The following SOCS7 variants were observed in gnomAD, a reference collection of about 807,000 sequenced individuals.
SOCS7 encodes NAP-4.
A neutral mutation model predicts 58.9 loss-of-function variants in SOCS7; 18 were observed. The ratio of observed to expected loss-of-function variants is 0.31; its 90% CI spans 0.21 to 0.45. The LOEUF (loss-of-function observed/expected upper bound fraction) is 0.45, where lower values mean the gene tolerates loss of function less well. Among genes scored for constraint, SOCS7 ranks in the 20% least tolerant of loss-of-function variants. The pLI is 1.00. For synonymous variants in SOCS7, 388 were observed against 364.3 expected, an observed-to-expected ratio of 1.06 and a Z score of -0.74; for missense variants, 667 against 837.3, an observed-to-expected ratio of 0.80 and a Z score of 2.51.
intron 9 of SOCS7, among the ~76,000 whole-genome samples, chr17:38,397,578 C>G (rs1279036734): frequency 1.3e-5 from 2 of 152,218 alleles, no homozygotes; most frequent in Non-Finnish European, 2.9e-5. Context: ...AGATTTCAGT[C>G]CAACTTTACA....
At chr17:38,374,514 A>G (rs1313060049) in intron 6 of SOCS7, among the ~76,000 whole-genome samples, 2 of 152,240 alleles carry the variant, frequency 1.3e-5, no homozygotes, top group Non-Finnish European at 2.9e-5. Context: ...CTCAAAAGAA[A>G]AAGTTGTGAA....
At chr17:38,376,777 A>T (rs986988904) in intron 6 of SOCS7, among the ~76,000 whole-genome samples, 1 of 152,172 alleles carries the variant, frequency 6.6e-6, no homozygotes, top group Admixed American at 6.6e-5. Flanking sequence ...ACAAAATGTT[A>T]TTCAAAGACC....
At chr17:38,396,110 A>ATGTT in intron 9 of SOCS7, 112 bp downstream of exon 9, 1 of 858,962 alleles carries the variant, frequency 1.2e-6, no homozygotes, top group Non-Finnish European at 1.7e-6. Context: ...GCCCCGATCC[A>ATGTT]GGCATTTGCC....
At chr17:38,386,006 C>G (rs943973624) in intron 7 of SOCS7, among the ~76,000 whole-genome samples, 3 of 151,878 alleles carry the variant, frequency 2.0e-5, no homozygotes, top group Non-Finnish European at 4.4e-5. Flanking sequence ...TGGTAAGACC[C>G]TGTCTCTACC....
rs770960071 is a variant in SOCS7 at position 38,361,763 on chromosome 17, C to G, written c.1033C>G (p.Pro345Ala). The stretch of plus-strand genomic sequence containing the variant: ...TGCCTTTTCTCCGGTCTCCTTCAGC[C>G]CCCTGTTCACAGGTAAGGGTAATAT... The part of the protein sequence containing the change: ...QSAFSPVSFS[P>A]LFTGETVSLV... The change falls in exon 2 of 10, where the codon CCC becomes GCC. Residue 345 changes from proline to alanine, a missense_variant. Pro to Ala is a conservative substitution (Grantham distance 27, BLOSUM62 -1). This residue lies in a region of SOCS7 where 16 missense variants were observed against 32.7 expected (regional missense o/e 0.49). Coordinates refer to ENST00000612932, the MANE Select transcript of SOCS7 (RefSeq NM_014598.4). The G allele has an allele frequency of 5.0e-6, 8 of 1,612,074 alleles. No homozygotes were observed. Among genetic ancestry groups the G allele is most frequent in the Admixed American group, 1.7e-5 (1 of 59,874 alleles).
intron 7 of SOCS7, among the ~76,000 whole-genome samples, chr17:38,380,492 T>A (rs1446329724): frequency 6.6e-6 from 1 of 151,762 alleles, no homozygotes; most frequent in African/African-American, 2.4e-5. Flanking sequence ...TAGCCAGGTG[T>A]GGTGGTGCAC....
At chr17:38,371,233 C>T (rs1362496451) in intron 6 of SOCS7, among the ~76,000 whole-genome samples, 1 of 152,060 alleles carries the variant, frequency 6.6e-6, no homozygotes, top group Non-Finnish European at 1.5e-5. Context: ...CCTGCCTCAG[C>T]CTCCTGAGTA....
intron 2 of SOCS7, among the ~76,000 whole-genome samples, chr17:38,362,886 A>G (rs1555567774): frequency 1.3e-5 from 2 of 152,208 alleles, no homozygotes. Context: ...TGAAGTGAGC[A>G]GATCATCTGA....
chr17:38,381,384 T>G (rs1201537214), intron 7 of SOCS7, among the ~76,000 whole-genome samples: 2 of 152,050 alleles, frequency 1.3e-5, no homozygotes, highest in Non-Finnish European at 2.9e-5. Context: ...TATTAGCATT[T>G]AGGTTGAGCT....
chr17:38,360,062 G>C (rs1406641096), intron 1 of SOCS7, among the ~76,000 whole-genome samples: 2 of 152,074 alleles, frequency 1.3e-5, no homozygotes, highest in East Asian at 3.8e-4. Context: ...ACAGGTGTGA[G>C]CCATCGCACC....
chr17:38,359,441 A>G (rs2037685617), intron 1 of SOCS7, among the ~76,000 whole-genome samples: 1 of 152,222 alleles, frequency 6.6e-6, no homozygotes, highest in Admixed American at 6.5e-5. Flanking sequence ...CTCTTTCTGA[A>G]TAAGATCTTC....
At chr17:38,396,705 A>C (rs755139163) in intron 9 of SOCS7, among the ~76,000 whole-genome samples, 2 of 152,220 alleles carry the variant, frequency 1.3e-5, no homozygotes, top group Non-Finnish European at 2.9e-5. Flanking sequence ...AATTGCACTA[A>C]AGTGAACATT....
Position 38,352,785 on chromosome 17 carries a change from C to T in SOCS7, c.733C>T (p.Gln245Ter). 1 of 1,550,114 alleles carries T rather than the reference C, an allele frequency of 6.5e-7. No homozygotes were observed. The highest frequency in any genetic ancestry group is 8.7e-7 in the Non-Finnish European group (1 of 1,147,174). ...PLGRLSRGEQ[Q>*]QQQQQQPPPP... is the part of the protein sequence containing the mutation. ...GGGGCGCCTGAGTAGAGGGGAGCAG[C>T]AGCAGCAGCAGCAGCAGCAACCTCC... The change falls in exon 1 of 10, where the codon CAG becomes TAG. Residue 245 changes from glutamine to a stop codon, truncating the protein, a stop_gained. Coordinates refer to ENST00000612932, the MANE Select transcript of SOCS7 (RefSeq NM_014598.4). LOFTEE classifies it high-confidence loss of function. The surrounding 1 kb of genome is among the most constrained non-coding windows in gnomAD (Gnocchi z 5.5).
intron 1 of SOCS7, among the ~76,000 whole-genome samples, chr17:38,359,647 G>C (rs1289262010): frequency 6.6e-6 from 1 of 151,824 alleles, no homozygotes; most frequent in Non-Finnish European, 1.5e-5. Flanking sequence ...TAGACCTTTG[G>C]GTAAGAGTAT....
intron 7 of SOCS7, among the ~76,000 whole-genome samples, chr17:38,394,495 T>G (rs562370428): frequency 2.2e-4 from 34 of 152,106 alleles, no homozygotes; most frequent in Admixed American, 1.9e-3. Context: ...GCCTCCCTGC[T>G]GAACCAGCCT....
In SOCS7 at chr17:38,402,218, A is replaced by G. The variant is rs904137050; in HGVS notation, c.*2736A>G. On this transcript the variant is annotated 3_prime_UTR_variant, in exon 10 of 10. Coordinates refer to ENST00000612932, the MANE Select transcript of SOCS7 (RefSeq NM_014598.4). ...GCAAAACAGCAGCGCAAGAGGAGAC[A>G]GTCTTCGTCAGGTGTGGGTGTTTGG... 1 of 152,622 alleles carries G rather than the reference A, an allele frequency of 6.6e-6. No individual in the cohort carries two copies. Among genetic ancestry groups the G allele is most frequent in the Admixed American group, 6.5e-5 (1 of 15,280 alleles). The allele number at this position is 152,622 out of a possible 1,614,324, so 9.5% of individuals were successfully genotyped here.
chr17:38,381,472 A>G (rs1382599462), intron 7 of SOCS7, among the ~76,000 whole-genome samples: 4 of 152,144 alleles, frequency 2.6e-5, no homozygotes, highest in East Asian at 1.9e-4. Flanking sequence ...AATGATGACA[A>G]CTGAACACCT....
At chr17:38,355,901 T>G (rs2037630716) in intron 1 of SOCS7, among the ~76,000 whole-genome samples, 1 of 152,168 alleles carries the variant, frequency 6.6e-6, no homozygotes, top group African/African-American at 2.4e-5. Context: ...TTTTTTGTTT[T>G]GAGGTGGAGT....
At chr17:38,392,353 A>AG (rs1272879180) in intron 7 of SOCS7, among the ~76,000 whole-genome samples, 1 of 152,250 alleles carries the variant, frequency 6.6e-6, no homozygotes, top group Non-Finnish European at 1.5e-5. Flanking sequence ...CTTTAAGCAC[A>AG]GTGTTATCTT....
Sources: allele counts gnomAD v4.1 joint callset (sites outside exome capture counted in the v4.1 genomes callset), GRCh38; gene constraint gnomAD v4.1.1; regional missense constraint gnomAD v4.1.1; non-coding constraint Gnocchi (gnomAD v3.1); transcripts MANE v1.5; gene names NCBI Gene and HGNC (gene_info 2026-07-23, HGNC 2026-07-21).